The following CCDC3 variants were observed in gnomAD, a reference collection of about 807,000 sequenced individuals.
CCDC3 encodes coiled-coil domain containing 3.
Under a neutral mutation model 21.4 loss-of-function variants are expected in CCDC3, and 24 were observed. That is an observed-to-expected ratio of 1.12 (90% CI 0.81 to 1.58). CCDC3 has a LOEUF of 1.58. CCDC3 is among the 40% of genes most tolerant of loss of function. The pLI is 0.00. For missense variants in CCDC3, 425 were observed against 360.9 expected, an observed-to-expected ratio of 1.18 and a Z score of -1.44; for synonymous variants, 186 against 166.0, an observed-to-expected ratio of 1.12 and a Z score of -0.93.
chr10:12,916,489 G>C (rs1019669458), intron 2 of CCDC3, among the ~76,000 whole-genome samples: 2 of 151,708 alleles, frequency 1.3e-5, no homozygotes, highest in African/African-American at 4.8e-5. Flanking sequence ...TAGTATGGTG[G>C]GCTCAAAGCC....
intron 2 of CCDC3, among the ~76,000 whole-genome samples, chr10:12,927,141 G>A (rs79793932): frequency 0.055 from 8,307 of 152,146 alleles, 243 homozygotes; most frequent in Non-Finnish European, 0.072. Flanking sequence ...GGAAATTTCC[G>A]AACACACATA....
At chr10:12,900,730 T>C (rs1414297393) in intron 2 of CCDC3, among the ~76,000 whole-genome samples, 2 of 140,690 alleles carry the variant, frequency 1.4e-5, no homozygotes, top group Non-Finnish European at 3.1e-5. Context: ...CGAGCCCCAC[T>C]ATCTACACTG....
At chr10:13,029,521 A>G (rs1195045723) in intron 5 of CCDC3, among the ~76,000 whole-genome samples, 16 of 152,244 alleles carry the variant, frequency 1.1e-4, no homozygotes, top group Admixed American at 1.0e-3. Flanking sequence ...GCTTCAGACG[A>G]TCGGTAATAA....
intron 2 of CCDC3, among the ~76,000 whole-genome samples, chr10:12,940,944 T>C (rs1455728661): frequency 7.3e-6 from 1 of 136,786 alleles, no homozygotes; most frequent in Non-Finnish European, 1.6e-5. Flanking sequence ...ATCTTTGCAC[T>C]TGTGATACTC....
chr10:13,049,705 A>T (rs577987336), exon 5 of CCDC3: 5 of 152,312 alleles, frequency 3.3e-5, no homozygotes, highest in African/African-American at 1.2e-4. Flanking sequence ...CTGAAATGTG[A>T]TGGAAATAGA....
intron 2 of CCDC3, among the ~76,000 whole-genome samples, chr10:12,969,212 C>T (rs1420135420): frequency 6.6e-6 from 1 of 152,096 alleles, no homozygotes; most frequent in East Asian, 1.9e-4. Flanking sequence ...AAATGCTCAA[C>T]ATCACGAATC....
chr10:13,053,343 A>G lies in CCDC3; in HGVS notation c.-269-3402T>C, dbSNP rs545721828. 2.0e-5 allele frequency among the ~76,000 whole-genome samples: 3 copies of G among 152,030 alleles called. No individual in the cohort carries two copies. The East Asian group carries it at 5.8e-4, about 30-fold the overall frequency. ...TAACACTTTGGAAGGCTGAGGTGGG[A>G]AGATCATTTGAGACCAGGAGTTCAA... is the stretch of plus-strand genomic sequence containing the variant. On this transcript the variant is annotated intron_variant, in intron 4 of 6. Transcript: ENST00000378839.
chr10:12,960,779 G>A (rs529282051), intron 2 of CCDC3, among the ~76,000 whole-genome samples: 3 of 152,306 alleles, frequency 2.0e-5, no homozygotes, highest in East Asian at 1.9e-4. Flanking sequence ...CCTGAGCTCC[G>A]CCTGCCAGGT....
intron 2 of CCDC3, 22 bp from the exon 3 acceptor site, chr10:12,898,701 A>G (rs1260378200): frequency 6.2e-7 from 1 of 1,612,372 alleles, no homozygotes; most frequent in Non-Finnish European, 8.5e-7. Flanking sequence ...GACAGCGTGC[A>G]AGGAGAGGAG....
chr10:13,008,348 C>A (rs1835948318), intron 5 of CCDC3, among the ~76,000 whole-genome samples: 1 of 152,084 alleles, frequency 6.6e-6, no homozygotes. Flanking sequence ...GAAGGGCAGC[C>A]CAAGCCAGGG....
intron 2 of CCDC3, among the ~76,000 whole-genome samples, chr10:12,905,422 G>A (rs1157407221): frequency 1.3e-5 from 2 of 152,212 alleles, no homozygotes; most frequent in African/African-American, 4.8e-5. Context: ...AGGGGCTCAA[G>A]GCAAACGCAG....
chr10:12,993,671 G>T (rs941403938), intron 2 of CCDC3, among the ~76,000 whole-genome samples: 3 of 152,184 alleles, frequency 2.0e-5, no homozygotes, highest in African/African-American at 7.2e-5. Flanking sequence ...AGTAAATCTG[G>T]TGGATGTTCC....
chr10:12,960,057 G>A (rs949808472), intron 2 of CCDC3, among the ~76,000 whole-genome samples: 10 of 152,276 alleles, frequency 6.6e-5, no homozygotes, highest in African/African-American at 2.4e-4. Flanking sequence ...GGGAGGCTGA[G>A]GCAGAAGAAT....
intron 3 of CCDC3, chr10:13,074,153 A>ATTTT (rs1220773339): frequency 3.3e-4 from 21 of 64,300 alleles, no homozygotes; most frequent in African/African-American, 1.4e-3. Flanking sequence ...ATATATATAT[A>ATTTT]TTTTTTTTTT....
intron 4 of CCDC3, among the ~76,000 whole-genome samples, chr10:13,063,275 A>ATTGGTCAGAGATG (rs1564337215): frequency 7.6e-5 from 1 of 13,228 alleles, no homozygotes; most frequent in Non-Finnish European, 1.4e-4. Flanking sequence ...GGGCAAGTTG[A>ATTGGTCAGAGATG]ACCCCTTGGG....
rs7921923 is a variant in CCDC3 at position 12,914,623 on chromosome 10, G to A, written c.550-15944C>T. Among the ~76,000 whole-genome samples, 62 of 151,574 alleles carry A rather than the reference G, an allele frequency of 4.1e-4. 1 individual carries two copies. The highest frequency in any genetic ancestry group is 1.5e-3 in the African/African-American group (61 of 41,344). ...CCATGCCTGGTTAATTTTTTGTATTGTGTAGAGCCGGGATTTTGCTATGTT... is the reference window on the plus strand; with the variant it reads ...CCATGCCTGGTTAATTTTTTGTATTATGTAGAGCCGGGATTTTGCTATGTT... On this transcript the variant is annotated intron_variant, in intron 2 of 2. Transcript: ENST00000378825.
At chr10:12,964,824 A>C (rs1429580135) in intron 2 of CCDC3, among the ~76,000 whole-genome samples, 3 of 152,206 alleles carry the variant, frequency 2.0e-5, no homozygotes, top group Non-Finnish European at 4.4e-5. Context: ...TTAGGGAGTA[A>C]AGTTTATACA....
At chr10:13,078,366 G>A (rs1299060586) in intron 3 of CCDC3, among the ~76,000 whole-genome samples, 11 of 152,216 alleles carry the variant, frequency 7.2e-5, no homozygotes, top group African/African-American at 2.7e-4. Flanking sequence ...AACAACAGGT[G>A]CTGGAGAGGA....
intron 3 of CCDC3, among the ~76,000 whole-genome samples, chr10:13,080,701 C>T (rs574059088): frequency 6.6e-6 from 1 of 152,354 alleles, no homozygotes; most frequent in African/African-American, 2.4e-5. Flanking sequence ...AGAGTTAATA[C>T]CAACAAGTTT....
Sources: gnomAD v4.1 joint callset for allele counts (sites outside exome capture counted in the v4.1 genomes callset) on GRCh38, gnomAD v4.1.1 for gene constraint, MANE v1.5 for transcripts, NCBI Gene and HGNC (gene_info 2026-07-23, HGNC 2026-07-21) for gene names.